PCDHGA5: variants seen among roughly 807,000 people sequenced by gnomAD.
PCDHGA5 encodes protocadherin gamma subfamily A, 5.
Under a neutral mutation model 56.7 loss-of-function variants are expected in PCDHGA5, and 36 were observed. The observed-to-expected ratio is 0.64, with a 90% confidence interval of 0.49 to 0.84. The LOEUF (loss-of-function observed/expected upper bound fraction) is 0.84. PCDHGA5 is among the 40% of genes least tolerant of loss of function. The pLI, the probability that PCDHGA5 is intolerant of heterozygous loss-of-function variation, is 0.00. For synonymous variants in PCDHGA5, 563 were observed against 520.2 expected (o/e 1.08, Z -1.12); for missense variants, 1,305 against 1,201.5 (o/e 1.09, Z -1.27).
At chr5:141,402,827 G>C in intron 1 of PCDHGA5, 10 of 1,330,136 alleles carry the variant, frequency 7.5e-6, no homozygotes, top group Non-Finnish European at 9.9e-6. Context: ...CTGCTCCCAG[G>C]CTGCAGCAAA....
Position 141,394,179 on chromosome 5 carries a change from T to C in PCDHGA5, c.2421+27428T>C. The C allele has an allele frequency of 2.5e-6, 4 of 1,613,868 alleles. No individual in the cohort carries two copies. The South Asian group carries it at 4.4e-5, about 18-fold the overall frequency. On this transcript the variant is annotated intron_variant, in intron 1 of 3. Coordinates refer to ENST00000518069, the MANE Select transcript of PCDHGA5 (RefSeq NM_018918.3). ...CAACCCTCCTACTTTCCCTCATGCC[T>C]CCTACTCAGCGTATATCCTAGAGAA...
intron 1 of PCDHGA5, chr5:141,382,648 G>A (rs1561591657): frequency 2.5e-6 from 1 of 403,370 alleles, no homozygotes; most frequent in Non-Finnish European, 4.4e-6. Flanking sequence ...CAGTAACTTA[G>A]TAAGGACTCA....
chr5:141,372,158 G>C, intron 1 of PCDHGA5: 2 of 1,613,800 alleles, frequency 1.2e-6, no homozygotes, highest in Non-Finnish European at 1.7e-6. Context: ...GCTACCTGGT[G>C]ACCAAGGTGG....
rs558730748 is a variant in PCDHGA5, at chr5:141,469,995, G to A, written c.2422-24812G>A. Reference sequence around the variant, plus strand: ...AAAATACAAAAATTAGCTGGTCGTCGTGGCACGCCTGTAATCCCAGCTACT... The same window carrying A: ...AAAATACAAAAATTAGCTGGTCGTCATGGCACGCCTGTAATCCCAGCTACT... On this transcript the variant is annotated intron_variant, in intron 1 of 3. Coordinates refer to ENST00000518069, the MANE Select transcript of PCDHGA5 (RefSeq NM_018918.3). Among the ~76,000 whole-genome samples, 8 of 152,194 alleles carry A rather than the reference G, an allele frequency of 5.3e-5. No homozygotes were observed. In the East Asian group the frequency reaches 5.8e-4, roughly 11 times the overall value.
rs1423427104 is a variant in PCDHGA5, at chr5:141,417,737, C to T, written c.2421+50986C>T. 5 of 1,407,068 alleles carry T rather than the reference C, an allele frequency of 3.6e-6. No homozygotes were observed. In the African/African-American group the frequency reaches 7.2e-5, roughly 20 times the overall value. 87.2% of individuals were successfully genotyped at this position (1,407,068 alleles called of 1,614,324 possible). ...CCGGCTGCGCAGACCTTGCCCAGCA[C>T]ACCAGATTGCCAGCTCCGAGACCCG... is the stretch of plus-strand genomic sequence containing the variant. On this transcript the variant is annotated intron_variant, in intron 1 of 3. Transcript: ENST00000518069.
At chr5:141,499,115 C>T (rs940275925) in intron 2 of PCDHGA5, among the ~76,000 whole-genome samples, 16 of 152,124 alleles carry the variant, frequency 1.1e-4, no homozygotes, top group African/African-American at 3.9e-4. Context: ...CACCACTATC[C>T]CTTCTCAGGT....
chr5:141,383,028 C>A (rs1561593921), intron 1 of PCDHGA5: 23 of 1,613,814 alleles, frequency 1.4e-5, no homozygotes, highest in Non-Finnish European at 1.9e-5. Flanking sequence ...ACAAAGGGTC[C>A]TTTGTGGGAG....
At chr5:141,388,412 T>G (rs1381904129) in intron 1 of PCDHGA5, 1 of 1,613,752 alleles carries the variant, frequency 6.2e-7, no homozygotes, top group African/African-American at 1.3e-5. Context: ...GTCCCAGTGA[T>G]CATTTCTCAC....
At chr5:141,410,715 GTT>G (rs2154543204) in intron 1 of PCDHGA5, 19 of 1,422,782 alleles carry the variant, frequency 1.3e-5, no homozygotes, top group Non-Finnish European at 1.8e-5. Context: ...AGAATCATAT[GTT>G]TAAAATCCAT....
At chr5:141,407,932 C>T (rs1465007397) in intron 1 of PCDHGA5, 7 of 504,268 alleles carry the variant, frequency 1.4e-5, no homozygotes, top group Non-Finnish European at 2.0e-5. Context: ...CACGGAGCCT[C>T]TGGGCGCCGC....
chr5:141,393,861 A>G (rs1324870023), intron 1 of PCDHGA5: 11 of 1,613,904 alleles, frequency 6.8e-6, no homozygotes, highest in Non-Finnish European at 9.3e-6. Context: ...AGTGATCATT[A>G]CGTCTTTGTT....
In PCDHGA5 at chr5:141,489,801, T is replaced by C. The variant is rs201458939; in HGVS notation, c.2422-5006T>C. 6.2e-7 allele frequency: 1 copy of C among 1,614,148 alleles called. No homozygotes were observed. On this transcript the variant is annotated intron_variant, in intron 1 of 3. Coordinates refer to ENST00000518069, the MANE Select transcript of PCDHGA5 (RefSeq NM_018918.3). The surrounding 1 kb of genome is among the most constrained non-coding windows in gnomAD (Gnocchi z 4.5). The stretch of plus-strand genomic sequence containing the variant: ...CTCTGAATGTGAAGACCCTAAAAGA[T>C]GGGAAGCCATTCCCAGAGCTGGTGC...
intron 1 of PCDHGA5, among the ~76,000 whole-genome samples, chr5:141,479,107 G>A (rs1212999480): frequency 6.6e-6 from 1 of 152,090 alleles, no homozygotes; most frequent in Non-Finnish European, 1.5e-5. Flanking sequence ...TTTATTTCAA[G>A]CATTCTACTG....
chr5:141,497,693 C>T (rs2099778709), intron 2 of PCDHGA5, among the ~76,000 whole-genome samples: 2 of 152,136 alleles, frequency 1.3e-5, no homozygotes, highest in Admixed American at 6.5e-5. Context: ...GTGTGCACCA[C>T]CACACCCAGC....
chr5:141,399,133 G>T (rs1054849184), intron 1 of PCDHGA5: 2 of 1,613,832 alleles, frequency 1.2e-6, no homozygotes, highest in African/African-American at 1.3e-5. Flanking sequence ...TATTCAAGAT[G>T]AAAATGACAA....
chr5:141,481,694 C>A (rs2099542163), intron 1 of PCDHGA5, among the ~76,000 whole-genome samples: 1 of 152,130 alleles, frequency 6.6e-6, no homozygotes, highest in South Asian at 2.1e-4. Flanking sequence ...TGGCTCACGC[C>A]TGTAATCCCA....
At position 141,491,952 on chromosome 5, in the gene PCDHGA5, C is replaced by A; in HGVS notation, c.2422-2855C>A. 9.4e-7 allele frequency: 1 copy of A among 1,062,954 alleles called. No homozygotes were observed. The allele number at this position is 1,062,954 out of a possible 1,614,324, so 65.8% of individuals were successfully genotyped here. On this transcript the variant is annotated intron_variant, in intron 1 of 3. Coordinates refer to ENST00000518069, the MANE Select transcript of PCDHGA5 (RefSeq NM_018918.3). The surrounding 1 kb of genome is among the most constrained non-coding windows in gnomAD (Gnocchi z 6.9). ...GGTGGGACCGACCCCCACCCCTACA[C>A]TCAAAAAAGGCCGGGGCCTCCTTCG...
At chr5:141,459,693 C>A (rs1014443574) in intron 1 of PCDHGA5, among the ~76,000 whole-genome samples, 1 of 152,210 alleles carries the variant, frequency 6.6e-6, no homozygotes, top group African/African-American at 2.4e-5. Flanking sequence ...AAGCGTTCCG[C>A]TTGCTACATT....
At chr5:141,427,954 T>G in intron 1 of PCDHGA5, 1 of 1,587,162 alleles carries the variant, frequency 6.3e-7, no homozygotes, top group Non-Finnish European at 8.6e-7. Context: ...AATGACAATG[T>G]GCCGCGGGTG....
Sources: gnomAD v4.1 joint callset for allele counts (sites outside exome capture counted in the v4.1 genomes callset) on GRCh38, gnomAD v4.1.1 for gene constraint, Gnocchi (gnomAD v3.1) non-coding constraint, MANE v1.5 for transcripts, NCBI Gene and HGNC (gene_info 2026-07-23, HGNC 2026-07-21) for gene names.